RAPGEF4: variants seen among roughly 807,000 people sequenced by gnomAD.
The protein encoded by RAPGEF4 is Rap guanine nucleotide exchange factor 4.
RAPGEF4 carries 66 observed loss-of-function variants against 147.9 expected under a neutral mutation model. The ratio of observed to expected loss-of-function variants is 0.45; its 90% CI spans 0.37 to 0.55. The LOEUF is 0.55. Among genes scored for constraint, RAPGEF4 ranks in the 20% least tolerant of loss-of-function variants. RAPGEF4 has a pLI of 0.00. For synonymous variants in RAPGEF4, 419 were observed against 442.7 expected (o/e 0.95, Z 0.67); for missense variants, 1,071 against 1,257.3 (o/e 0.85, Z 2.24).
intron 4 of RAPGEF4, among the ~76,000 whole-genome samples, chr2:172,887,051 G>T (rs1467545694): frequency 6.6e-6 from 1 of 152,134 alleles, no homozygotes; most frequent in East Asian, 1.9e-4. Context: ...GCTGGGTGTG[G>T]TGACACATGC....
At chr2:172,746,624 T>C (rs1694798026) in intron 1 of RAPGEF4, among the ~76,000 whole-genome samples, 1 of 152,120 alleles carries the variant, frequency 6.6e-6, no homozygotes, top group East Asian at 1.9e-4. Flanking sequence ...TTTTCTTTTT[T>C]TTTTTTGAGA....
intron 4 of RAPGEF4, chr2:172,917,374 TGC>T: frequency 2.2e-6 from 1 of 445,462 alleles, no homozygotes; most frequent in Admixed American, 2.7e-5. Flanking sequence ...CGTTTCTTTT[TGC>T]TTTGAAAGAA....
intron 2 of RAPGEF4, among the ~76,000 whole-genome samples, chr2:172,797,116 A>C (rs1051112712): frequency 6.6e-6 from 1 of 152,240 alleles, no homozygotes; most frequent in Non-Finnish European, 1.5e-5. Context: ...AAATTTTTAA[A>C]CAAAGCAGAT....
chr2:172,806,012 CGGCTGT>C, intron 3 of RAPGEF4, among the ~76,000 whole-genome samples: 1 of 102,848 alleles, frequency 9.7e-6, no homozygotes. Flanking sequence ...AGATATTATC[CGGCTGT>C]GTGTGTGTGT....
chr2:172,929,311 A>G (rs1268770915), intron 6 of RAPGEF4, among the ~76,000 whole-genome samples: 1 of 152,230 alleles, frequency 6.6e-6, no homozygotes, highest in Non-Finnish European at 1.5e-5. Flanking sequence ...CCCTAAGTCC[A>G]CAGATATTAA....
chr2:172,879,853 G>T lies in RAPGEF4; in HGVS notation c.445-37949G>T, dbSNP rs77904189. Among the ~76,000 whole-genome samples, 92 of 152,276 alleles carry T rather than the reference G, an allele frequency of 6.0e-4. 1 individual carries two copies. In the East Asian group the frequency reaches 0.015, roughly 25 times the overall value. On this transcript the variant is annotated intron_variant, in intron 4 of 30. Transcript: ENST00000397081. The stretch of plus-strand genomic sequence containing the variant: ...GTTAAGCGTATATAAAAATAGGAAA[G>T]TTGCAACTTAGCTTTCTGGGAAAAG...
In RAPGEF4 at chr2:172,885,243, G is replaced by A. The variant is rs370085576; in HGVS notation, c.445-32559G>A. The stretch of plus-strand genomic sequence containing the variant: ...CCCAGTGGGTCCCCAGCAGGACAGA[G>A]CCCCAGTTGCCCATGGCGGTATTGG... On this transcript the variant is annotated intron_variant, in intron 4 of 30. Transcript: ENST00000397081. 1.8e-3 allele frequency among the ~76,000 whole-genome samples: 276 copies of A among 152,324 alleles called. 2 individuals carry two copies. Among genetic ancestry groups the A allele is most frequent in the African/African-American group, 6.2e-3 (256 of 41,568 alleles).
At chr2:172,937,648 A>C (rs1686730783) in intron 6 of RAPGEF4, among the ~76,000 whole-genome samples, 1 of 152,068 alleles carries the variant, frequency 6.6e-6, no homozygotes, top group Non-Finnish European at 1.5e-5. Flanking sequence ...TTCCATACTG[A>C]ACTCTTTGGA....
intron 18 of RAPGEF4, among the ~76,000 whole-genome samples, chr2:173,015,013 A>G (rs1172327735): frequency 6.6e-6 from 1 of 152,230 alleles, no homozygotes; most frequent in East Asian, 1.9e-4. Flanking sequence ...TTGAGTAGCC[A>G]TGTCACAGAT....
chr2:172,892,935 G>T (rs929017040), intron 4 of RAPGEF4, among the ~76,000 whole-genome samples: 3 of 152,186 alleles, frequency 2.0e-5, no homozygotes, highest in African/African-American at 7.2e-5. Context: ...TGGGGCAAAG[G>T]TCTTTAAACT....
chr2:172,911,657 C>T (rs1346990555), intron 4 of RAPGEF4, among the ~76,000 whole-genome samples: 2 of 151,624 alleles, frequency 1.3e-5, no homozygotes, highest in Non-Finnish European at 2.9e-5. Context: ...CGAGGTTTCA[C>T]CATGTTGGCC....
At chr2:173,034,055 A>C in intron 27 of RAPGEF4, 91 bp downstream of exon 27, 1 of 1,230,180 alleles carries the variant, frequency 8.1e-7, no homozygotes. Flanking sequence ...TGGAAATTTT[A>C]TCTGTCCTTA....
At chr2:172,802,455 T>G (rs1218890059) in intron 3 of RAPGEF4, among the ~76,000 whole-genome samples, 1 of 151,986 alleles carries the variant, frequency 6.6e-6, no homozygotes, top group Non-Finnish European at 1.5e-5. Flanking sequence ...TCTTGTGAGA[T>G]TCATTCACTA....
chr2:172,828,799 T>TCTTGTGA (rs1689972499), intron 4 of RAPGEF4, among the ~76,000 whole-genome samples: 1 of 152,162 alleles, frequency 6.6e-6, no homozygotes, highest in Non-Finnish European at 1.5e-5. Context: ...CGCCTCCCAG[T>TCTTGTGA]TCAGGCAAAT....
At chr2:172,923,533 G>T (rs535238299) in intron 6 of RAPGEF4, among the ~76,000 whole-genome samples, 1 of 152,316 alleles carries the variant, frequency 6.6e-6, no homozygotes, top group South Asian at 2.1e-4. Flanking sequence ...CTCCCAAAGT[G>T]CTGGGATTAC....
chr2:173,050,953 A>G (rs2106107917), intron 30 of RAPGEF4, among the ~76,000 whole-genome samples: 1 of 152,212 alleles, frequency 6.6e-6, no homozygotes, highest in African/African-American at 2.4e-5. Context: ...CCTGATCTTC[A>G]TTAAATTGGT....
chr2:172,909,808 A>G (rs1454094701), intron 4 of RAPGEF4, among the ~76,000 whole-genome samples: 1 of 152,202 alleles, frequency 6.6e-6, no homozygotes, highest in Non-Finnish European at 1.5e-5. Context: ...ACAACCTAGC[A>G]TTACTGATAT....
intron 1 of RAPGEF4, among the ~76,000 whole-genome samples, chr2:172,787,025 C>G (rs1488853591): frequency 6.6e-6 from 1 of 152,084 alleles, no homozygotes; most frequent in Non-Finnish European, 1.5e-5. Context: ...GCCTGGCCAA[C>G]GTGGTGAAAC....
intron 4 of RAPGEF4, among the ~76,000 whole-genome samples, chr2:172,829,062 C>G (rs746748745): frequency 2.0e-5 from 3 of 152,156 alleles, no homozygotes; most frequent in Non-Finnish European, 4.4e-5. Flanking sequence ...AAGTGGAGGC[C>G]AGAGTGCTGC....
Sources: allele counts gnomAD v4.1 joint callset (sites outside exome capture counted in the v4.1 genomes callset), GRCh38; gene constraint gnomAD v4.1.1; transcripts MANE v1.5; gene names NCBI Gene and HGNC (gene_info 2026-07-23, HGNC 2026-07-21).